Variants in CEP63 observed in about 807,000 individuals in gnomAD.
The protein encoded by CEP63 is centrosomal protein of 63 kDa.
In CEP63, 84 loss-of-function variants were observed where a neutral mutation model predicts 89.1. The observed-to-expected ratio is 0.94, with a 90% CI of 0.79 to 1.13. The LOEUF is 1.13. Ranked by LOEUF, CEP63 falls within the 50% of genes most tolerant of loss-of-function variation. The pLI, the probability that CEP63 is intolerant of heterozygous loss-of-function variation, is 0.00. For missense variants in CEP63, 838 were observed against 813.3 expected (o/e 1.03, Z -0.37); for synonymous variants, 267 against 272.5 (o/e 0.98, Z 0.20).
At chr3:134,636,922 G>T in the CEP63 span, among the ~76,000 whole-genome samples, 128 of 152,210 alleles carry the variant, frequency 8.4e-4, no homozygotes, top group Non-Finnish European at 3.1e-4. Flanking sequence ...TCCTATTGAA[G>T]TATTATTTTT....
the CEP63 span, among the ~76,000 whole-genome samples, chr3:134,778,652 G>A: frequency 1.3e-5 from 2 of 152,100 alleles, no homozygotes; most frequent in Admixed American, 6.5e-5. Flanking sequence ...TCTGCCTCCC[G>A]GGTTCACGCC....
At chr3:134,608,752 A>G in the CEP63 span, 2 of 1,613,856 alleles carry the variant, frequency 1.2e-6, no homozygotes, top group African/African-American at 1.3e-5. Context: ...GAGATTGAGG[A>G]GGTTTTAGCA....
the CEP63 span, among the ~76,000 whole-genome samples, chr3:134,602,409 G>C: frequency 6.6e-6 from 1 of 152,172 alleles, no homozygotes; most frequent in Non-Finnish European, 1.5e-5. Context: ...GAGACTGGAG[G>C]GGGCTGTCTT....
At chr3:134,762,112 C>A in the CEP63 span, among the ~76,000 whole-genome samples, 1 of 152,124 alleles carries the variant, frequency 6.6e-6, no homozygotes, top group East Asian at 1.9e-4. Context: ...TCAATGCCAG[C>A]ACAGTGAAGG....
the CEP63 span, among the ~76,000 whole-genome samples, chr3:134,696,030 A>C: frequency 1 from 152,228 of 152,318 alleles, 76,072 homozygotes; most frequent in Middle Eastern, 1. Flanking sequence ...TCCCTTGCCC[A>C]TCAGACATTG....
At chr3:134,579,027 G>A (rs1273651498), downstream of CEP63, among the ~76,000 whole-genome samples, 1 of 152,226 alleles carries the variant, frequency 6.6e-6, no homozygotes, top group Non-Finnish European at 1.5e-5. Flanking sequence ...CAAAGTGCTG[G>A]ATTACAGGCG....
At chr3:134,603,604 A>G in the CEP63 span, 1 of 1,588,812 alleles carries the variant, frequency 6.3e-7, no homozygotes, top group Non-Finnish European at 8.6e-7. Context: ...TTTGTATTTC[A>G]GGATGTAGGA....
At chr3:134,663,277 G>T in the CEP63 span, among the ~76,000 whole-genome samples, 1 of 152,186 alleles carries the variant, frequency 6.6e-6, no homozygotes, top group Non-Finnish European at 1.5e-5. Flanking sequence ...GAGGACTATT[G>T]ATTGACAGTC....
chr3:134,683,255 G>A, the CEP63 span, among the ~76,000 whole-genome samples: 2 of 152,190 alleles, frequency 1.3e-5, no homozygotes, highest in African/African-American at 4.8e-5. Context: ...ATATTTTAAT[G>A]TTTTGAATCC....
the CEP63 span, chr3:134,624,998 T>G: frequency 6.0e-6 from 9 of 1,491,956 alleles, no homozygotes; most frequent in Non-Finnish European, 8.2e-6. Context: ...TTTGCTGCCC[T>G]AGAACTCTAA....
downstream of CEP63, among the ~76,000 whole-genome samples, chr3:134,569,850 G>T (rs563498404): frequency 2.0e-5 from 3 of 152,332 alleles, no homozygotes; most frequent in Admixed American, 6.5e-5. Context: ...CTTCTGCCTG[G>T]ATATGCAAGC....
chr3:134,536,965 G>GGC, intron 5 of CEP63, 190 bp from the exon 6 acceptor site: 2 of 599,498 alleles, frequency 3.3e-6, no homozygotes, highest in Non-Finnish European at 6.2e-6. Context: ...GATATCCAGA[G>GGC]GCACAGTATG....
chr3:134,619,107 A>G, the CEP63 span: 3 of 1,501,918 alleles, frequency 2.0e-6, no homozygotes, highest in Non-Finnish European at 2.8e-6. Context: ...AGGGAGAGGG[A>G]TGGGTCCGGT....
chr3:134,620,303 T>C, the CEP63 span, among the ~76,000 whole-genome samples: 1 of 152,122 alleles, frequency 6.6e-6, no homozygotes, highest in Admixed American at 6.5e-5. Flanking sequence ...GAGCAGGAAG[T>C]GGAGAACCCG....
At chr3:134,517,849 G>A (rs937518062) in intron 3 of CEP63, among the ~76,000 whole-genome samples, 1 of 152,104 alleles carries the variant, frequency 6.6e-6, no homozygotes, top group African/African-American at 2.4e-5. Flanking sequence ...TAGAAAAGAG[G>A]AAGGGCTGAA....
the CEP63 span, among the ~76,000 whole-genome samples, chr3:134,599,794 G>A: frequency 6.6e-5 from 10 of 152,264 alleles, no homozygotes; most frequent in Non-Finnish European, 1.5e-4. Flanking sequence ...GCATCTCACC[G>A]TCGCATTCAA....
At chr3:134,587,082 AG>A (rs1314514099) in intron 10 of CEP63, among the ~76,000 whole-genome samples, 1 of 152,156 alleles carries the variant, frequency 6.6e-6, no homozygotes, top group Non-Finnish European at 1.5e-5. Context: ...TATTCTAGTT[AG>A]CCATTCGTCT....
rs149664869 is a variant in CEP63, at chr3:134,558,182, T to C, written c.1508T>C (p.Ile503Thr). ...ISLADLQENYIEALNKLVSEN... is the reference protein window; with the variant it reads ...ISLADLQENYTEALNKLVSEN... Reference sequence around the variant, plus strand: ...CTAGCAGACCTCCAGGAGAATTATATTGAGGCATTAAATAAATTAGTGTCT... The same window carrying C: ...CTAGCAGACCTCCAGGAGAATTATACTGAGGCATTAAATAAATTAGTGTCT... Residue 503 changes from isoleucine (I) to threonine (T), a missense_variant, in exon 13 of 15, where the codon ATT becomes ACT. Physicochemically the swap from Ile to Thr is moderately conservative, Grantham distance 89. Transcript: ENST00000675561. The C allele has an allele frequency of 1.3e-4, 206 of 1,613,808 alleles. No individual in the cohort carries two copies. The highest frequency in any genetic ancestry group is 3.2e-4 in the African/African-American group (24 of 75,032).
chr3:134,489,115 C>T (rs1015477767), intron 1 of CEP63, among the ~76,000 whole-genome samples: 7 of 148,192 alleles, frequency 4.7e-5, no homozygotes, highest in African/African-American at 7.5e-5. Context: ...GAGCCGAGAT[C>T]ACGCCACTGC....
Sources: gnomAD v4.1 joint callset for allele counts (sites outside exome capture counted in the v4.1 genomes callset) on GRCh38, gnomAD v4.1.1 for gene constraint, MANE v1.5 for transcripts, NCBI Gene and HGNC (gene_info 2026-07-23, HGNC 2026-07-21) for gene names.